LMLN: variants seen among roughly 807,000 people sequenced by gnomAD.
The protein encoded by LMLN is leishmanolysin like peptidase, also known as leishmanolysin-like peptidase.
Under a neutral mutation model 92.3 loss-of-function variants are expected in LMLN, and 70 were observed. The observed-to-expected ratio is 0.76, with a 90% CI of 0.63 to 0.92. LMLN has a LOEUF of 0.92. Ranked by LOEUF, LMLN falls within the 40% of genes least tolerant of loss-of-function variation. The pLI is 0.00. For synonymous variants in LMLN, 308 were observed against 296.2 expected (o/e 1.04, Z -0.41); for missense variants, 691 against 814.6 (o/e 0.85, Z 1.85).
chr3:197,960,891 A>G (rs1267743738), intron 1 of LMLN, among the ~76,000 whole-genome samples: 6 of 152,138 alleles, frequency 3.9e-5, no homozygotes, highest in Non-Finnish European at 7.3e-5. Flanking sequence ...CATTGAACGG[A>G]GAGCCAGATA....
chr3:197,996,067 A>G (rs1210878390), intron 9 of LMLN, 108 bp from the exon 10 acceptor site: 3 of 489,134 alleles, frequency 6.1e-6, no homozygotes, highest in Non-Finnish European at 1.1e-5. Flanking sequence ...TTTCTCAACA[A>G]AGTAATTCTT....
chr3:198,014,268 C>G (rs1171311634), intron 11 of LMLN, among the ~76,000 whole-genome samples: 2 of 143,224 alleles, frequency 1.4e-5, no homozygotes, highest in Non-Finnish European at 3.0e-5. Context: ...ACTAGTCTGA[C>G]TTCTCTCCAC....
At chr3:197,989,564 A>G (rs1721807057) in intron 8 of LMLN, among the ~76,000 whole-genome samples, 1 of 152,104 alleles carries the variant, frequency 6.6e-6, no homozygotes, top group South Asian at 2.1e-4. Context: ...ACTTGCTTTC[A>G]TTTTATCCTG....
chr3:198,035,249 G>C (rs1170371460), intron 14 of LMLN, among the ~76,000 whole-genome samples: 1 of 151,414 alleles, frequency 6.6e-6, no homozygotes, highest in Non-Finnish European at 1.5e-5. Flanking sequence ...GTAATTTTTG[G>C]GAAAAGTGTC....
intron 5 of LMLN, among the ~76,000 whole-genome samples, chr3:197,979,660 A>G (rs1487806745): frequency 6.6e-6 from 1 of 152,176 alleles, no homozygotes; most frequent in Non-Finnish European, 1.5e-5. Flanking sequence ...TACTAAAAAT[A>G]TAAAAATTAG....
intron 1 of LMLN, among the ~76,000 whole-genome samples, chr3:197,971,731 T>A (rs1721229935): frequency 6.6e-6 from 1 of 152,074 alleles, no homozygotes; most frequent in Admixed American, 6.6e-5. Context: ...ATTACAGGCA[T>A]GAACCACCAC....
chr3:197,977,788 G>A (rs1437967379), intron 5 of LMLN, among the ~76,000 whole-genome samples: 3 of 151,194 alleles, frequency 2.0e-5, no homozygotes, highest in Non-Finnish European at 2.9e-5. Context: ...GTATACACAC[G>A]TTAAATCTGG....
intron 3 of LMLN, among the ~76,000 whole-genome samples, chr3:197,975,690 C>T (rs1721353738): frequency 6.6e-6 from 1 of 152,106 alleles, no homozygotes. Flanking sequence ...TGAGATATAT[C>T]ACAGTTTTGT....
At chr3:198,035,583 G>C (rs909379010) in intron 14 of LMLN, among the ~76,000 whole-genome samples, 3 of 151,720 alleles carry the variant, frequency 2.0e-5, no homozygotes, top group Non-Finnish European at 4.4e-5. Flanking sequence ...GGATGATCTC[G>C]ATCTCTTGAC....
Position 198,024,697 on chromosome 3 carries a change from A to G in LMLN, c.1565A>G (p.His522Arg), listed in dbSNP as rs894964534. Residue 522 changes from histidine (H) to arginine (R), a missense_variant, in exon 14 of 16, where the codon CAT (histidine) becomes CGT (arginine). By Grantham distance (29) the His-to-Arg change is conservative. Around this residue, in one of 4 missense-constraint regions of LMLN, gnomAD observed 352 missense variants for 443.6 expected, o/e 0.79. Transcript: ENST00000330198. ...TATGGCGCTGAAAAGTATGGACCTC[A>G]TTCCGTTTGTCTAATTCAGAAATCA... is the stretch of plus-strand genomic sequence containing the variant. 3 of 1,611,314 alleles carry G rather than the reference A, an allele frequency of 1.9e-6. No individual in the cohort carries two copies. In the African/African-American group the frequency reaches 4.0e-5, roughly 22 times the overall value.
At chr3:198,015,525 G>A (rs1178493253) in intron 11 of LMLN, among the ~76,000 whole-genome samples, 1 of 140,778 alleles carries the variant, frequency 7.1e-6, no homozygotes, top group Admixed American at 7.1e-5. Context: ...TAAGTAGTTT[G>A]ACTTCTCTCC....
At chr3:197,987,773 TAGC>T (rs1487912673) in intron 8 of LMLN, among the ~76,000 whole-genome samples, 1 of 152,216 alleles carries the variant, frequency 6.6e-6, no homozygotes, top group African/African-American at 2.4e-5. Flanking sequence ...TTAAAAGGTA[TAGC>T]AAAGCACATT....
At position 197,980,780 on chromosome 3, in the gene LMLN, A is replaced by G. The variant is rs113835359; in HGVS notation, c.728+276A>G. 8.2e-3 allele frequency: 2,410 copies of G among 293,512 alleles called. 17 individuals carry two copies. Among genetic ancestry groups the G allele is most frequent in the Middle Eastern group, 0.017 (16 of 964 alleles). 18.2% of individuals were successfully genotyped at this position (293,512 alleles called of 1,614,324 possible). A position where few individuals can be genotyped will look rare whatever the true frequency, so the allele number is the denominator to read the frequency against. On this transcript the variant is annotated intron_variant, in intron 6 of 15. Transcript: ENST00000330198. Reference sequence around the variant, plus strand: ...GCCGTTCCTCTTCCATTTTGATCCTATCGTTTTTGCCTAAATTCCAAAGAA... The same window carrying G: ...GCCGTTCCTCTTCCATTTTGATCCTGTCGTTTTTGCCTAAATTCCAAAGAA...
In LMLN at chr3:197,996,185, GA is replaced by G. The variant is rs779619552; in HGVS notation, c.1062del (p.Lys354AsnfsTer8). On this transcript the variant is annotated frameshift_variant, in exon 10 of 16. Coordinates refer to ENST00000330198, the Ensembl canonical transcript of LMLN. LOFTEE classifies it high-confidence loss of function. ...TTTTCTGGTTCTTAGGAGGAAGCAC[GA>G]AAACATTTTGATTGTCCAGTTCTAG... is the stretch of plus-strand genomic sequence containing the variant. 9.0e-6 allele frequency: 14 copies of G among 1,561,120 alleles called. No individual in the cohort carries two copies. The South Asian group carries it at 1.5e-4, about 16-fold the overall frequency.
intron 11 of LMLN, among the ~76,000 whole-genome samples, chr3:198,000,949 A>G (rs894573633): frequency 2.0e-5 from 3 of 151,934 alleles, no homozygotes; most frequent in African/African-American, 7.3e-5. Flanking sequence ...TTAGTTTTTA[A>G]AGAGAGAGAA....
At chr3:198,020,017 T>C (rs1351043434) in intron 12 of LMLN, among the ~76,000 whole-genome samples, 2 of 152,140 alleles carry the variant, frequency 1.3e-5, no homozygotes, top group East Asian at 3.8e-4. Context: ...CAAGCCACCA[T>C]GCCTGGCTAA....
chr3:197,992,314 C>T (rs9813476), intron 9 of LMLN, among the ~76,000 whole-genome samples: 5,472 of 152,122 alleles, frequency 0.036, 257 homozygotes, highest in African/African-American at 0.11. Context: ...GTGATCCGTG[C>T]GCCTTGGCCT....
chr3:197,978,724 C>T (rs1721472951), intron 5 of LMLN, among the ~76,000 whole-genome samples: 1 of 152,158 alleles, frequency 6.6e-6, no homozygotes, highest in South Asian at 2.1e-4. Flanking sequence ...GGCACGGTGG[C>T]TTATGCTTAT....
rs1400192746 is a variant in LMLN at position 198,031,209 on chromosome 3, G to A, written c.1657-4624G>A. Among the ~76,000 whole-genome samples, 1 of 152,218 alleles carries A rather than the reference G, an allele frequency of 6.6e-6. No homozygotes were observed. Among genetic ancestry groups the A allele is most frequent in the Non-Finnish European group, 1.5e-5 (1 of 68,040 alleles). ...ACTTTTATACTACATTGAACAAAGG[G>A]AGACAGTTACAGAAAAGTAAAATGT... On this transcript the variant is annotated intron_variant, in intron 14 of 15. Coordinates refer to ENST00000330198, the Ensembl canonical transcript of LMLN. This position sits in a 1 kb window ranked among gnomAD's most constrained non-coding sequence, Gnocchi z 4.8.
Sources: allele counts gnomAD v4.1 joint callset (sites outside exome capture counted in the v4.1 genomes callset), GRCh38; gene constraint gnomAD v4.1.1; regional missense constraint gnomAD v4.1.1; non-coding constraint Gnocchi (gnomAD v3.1); transcripts MANE v1.5; gene names NCBI Gene and HGNC (gene_info 2026-07-23, HGNC 2026-07-21).